ADAMTS18: variants seen among roughly 807,000 people sequenced by gnomAD.
ADAMTS18 encodes the protein ADAM metallopeptidase with thrombospondin type 1 motif 18.
Under a neutral mutation model 165.9 loss-of-function variants are expected in ADAMTS18, and 157 were observed. That is an observed-to-expected ratio of 0.95 (90% CI 0.83 to 1.08). The LOEUF (loss-of-function observed/expected upper bound fraction) is 1.08, where lower values mean the gene tolerates loss of function less well. ADAMTS18 is among the 50% of genes least tolerant of loss of function. The pLI, the probability that ADAMTS18 is intolerant of heterozygous loss-of-function variation, is 0.00. For synonymous variants in ADAMTS18, 782 were observed against 578.2 expected, an observed-to-expected ratio of 1.35 and a Z score of -5.06; for missense variants, 2,040 against 1,534.0, an observed-to-expected ratio of 1.33 and a Z score of -5.51.
intron 2 of ADAMTS18, chr16:77,433,341 C>A (rs564865948): frequency 6.6e-6 from 1 of 152,318 alleles, no homozygotes; most frequent in African/African-American, 2.4e-5. Context: ...TCAAACGGCC[C>A]CAGACACCTG....
chr16:77,419,852 T>C (rs912124351), intron 3 of ADAMTS18, among the ~76,000 whole-genome samples: 1 of 151,446 alleles, frequency 6.6e-6, no homozygotes. Context: ...TAGAAAAAAT[T>C]AGCTGGGTAT....
At chr16:77,326,140 A>C in intron 12 of ADAMTS18, 102 bp from the exon 13 acceptor site, 1 of 1,141,538 alleles carries the variant, frequency 8.8e-7, no homozygotes, top group Admixed American at 1.9e-5. Flanking sequence ...GCACTGCCAC[A>C]GTGTATGCAA....
chr16:77,306,961 A>C (rs1259098371), intron 16 of ADAMTS18, among the ~76,000 whole-genome samples: 2 of 152,188 alleles, frequency 1.3e-5, no homozygotes, highest in African/African-American at 4.8e-5. Flanking sequence ...ATTCTAATTT[A>C]AAATTCTAAA....
Position 77,359,413 on chromosome 16 carries a change from G to T in ADAMTS18, c.1227C>A (p.Pro409=), listed in dbSNP as rs751159225. Residue 409 remains proline, a synonymous_variant, in exon 8 of 23, where the codon CCC becomes CCA. Coordinates refer to ENST00000282849, the MANE Select transcript of ADAMTS18 (RefSeq NM_199355.4). ...NEPCDTLGFA[P]ISGMCSKYRS... is the part of the protein sequence containing the mutation. ...GGTACTTAGAGCACATTCCACTGAT[G>T]GGGGCAAACCCTATTGAAAGAGCAG... 2 of 1,613,548 alleles carry T rather than the reference G, an allele frequency of 1.2e-6. No homozygotes were observed. The highest frequency in any genetic ancestry group is 2.2e-5 in the South Asian group (2 of 90,866).
At chr16:77,430,327 G>A (rs926241823) in intron 3 of ADAMTS18, among the ~76,000 whole-genome samples, 2 of 152,142 alleles carry the variant, frequency 1.3e-5, no homozygotes, top group Admixed American at 1.3e-4. Flanking sequence ...CTAAATTTCA[G>A]GCCATAATAG....
Position 77,291,281 on chromosome 16 carries a change from T to G in ADAMTS18, c.3387A>C (p.Ser1129=). The G allele has an allele frequency of 1.2e-6, 2 of 1,614,090 alleles. No homozygotes were observed. The highest frequency in any genetic ancestry group is 1.7e-6 in the Non-Finnish European group (2 of 1,180,022). Residue 1129 remains serine (S), a synonymous_variant, in exon 21 of 23, where the codon TCA becomes TCC. Transcript: ENST00000282849. ...CTGTACCCACCTGCTGCCACGGCAATGAATACCATCCAGCTACCATGTTGT... is the reference window on the plus strand; with the variant it reads ...CTGTACCCACCTGCTGCCACGGCAAGGAATACCATCCAGCTACCATGTTGT... The part of the protein sequence containing the change: ...PVYNMVAGWY[S]LPWQQCTVTC...
At chr16:77,334,081 C>CAGTGTTATATATTATATATAATATAT (rs1567490845) in intron 12 of ADAMTS18, among the ~76,000 whole-genome samples, 8 of 88,238 alleles carry the variant, frequency 9.1e-5, no homozygotes, top group South Asian at 3.2e-4. Flanking sequence ...ATATAATATA[C>CAGTGTTATATATTATATATAATATAT]AGTGTTATAT....
chr16:77,429,626 T>C (rs2057714914), intron 3 of ADAMTS18, among the ~76,000 whole-genome samples: 1 of 152,194 alleles, frequency 6.6e-6, no homozygotes, highest in African/African-American at 2.4e-5. Context: ...GAAATCTTCA[T>C]ACAGAAAAAT....
intron 16 of ADAMTS18, among the ~76,000 whole-genome samples, chr16:77,314,556 G>A (rs2144624140): frequency 6.7e-6 from 1 of 149,100 alleles, no homozygotes; most frequent in East Asian, 2.0e-4. Flanking sequence ...AGGTTGCAGT[G>A]AGCCAAGATT....
At chr16:77,404,349 A>C (rs1356378968) in intron 3 of ADAMTS18, among the ~76,000 whole-genome samples, 2 of 152,162 alleles carry the variant, frequency 1.3e-5, no homozygotes, top group African/African-American at 4.8e-5. Context: ...GGTCACAAAA[A>C]ATTAGATTTA....
chr16:77,367,347 A>G, intron 4 of ADAMTS18, 94 bp downstream of exon 4: 1 of 1,464,772 alleles, frequency 6.8e-7, no homozygotes, highest in Non-Finnish European at 9.5e-7. Context: ...GGGTAGCCCC[A>G]TTTTGACTTG....
In ADAMTS18 at chr16:77,394,418, G is replaced by A. The variant is rs911128221; in HGVS notation, c.496-26695C>T. Among the ~76,000 whole-genome samples the A allele has an allele frequency of 1.2e-4, 18 of 152,072 alleles. No homozygotes were observed. In the East Asian group the frequency reaches 1.4e-3, roughly 11 times the overall value. On this transcript the variant is annotated intron_variant, in intron 3 of 22. Coordinates refer to ENST00000282849, the MANE Select transcript of ADAMTS18 (RefSeq NM_199355.4). ...AAGACAATAGCTTTATTTGGGGGCC[G>A]GCATGAGGATTAGTTATTTGTCTAG...
rs186854333 is a variant in ADAMTS18 at position 77,323,672 on chromosome 16, A to C, written c.2033-1206T>G. ...TGTAGCACAGAGATTGTCCACATTT[A>C]TGAAAAAGTCTTCCCTTGTTCTTCT... On this transcript the variant is annotated intron_variant, in intron 13 of 22. Coordinates refer to ENST00000282849, the MANE Select transcript of ADAMTS18 (RefSeq NM_199355.4). 4.9e-3 allele frequency among the ~76,000 whole-genome samples: 743 copies of C among 152,150 alleles called. 3 individuals are homozygous for C. The highest frequency in any genetic ancestry group is 8.0e-3 in the Non-Finnish European group (546 of 68,010).
intron 16 of ADAMTS18, among the ~76,000 whole-genome samples, chr16:77,307,742 T>A (rs1333817289): frequency 6.6e-6 from 1 of 152,198 alleles, no homozygotes; most frequent in Non-Finnish European, 1.5e-5. Context: ...GTGTCTTCAC[T>A]CAGTCCATGC....
chr16:77,384,918 T>C (rs1244514825), intron 3 of ADAMTS18, among the ~76,000 whole-genome samples: 2 of 152,054 alleles, frequency 1.3e-5, no homozygotes, highest in East Asian at 3.9e-4. Context: ...AGGTTTTTTT[T>C]TTTTTTTCTG....
intron 11 of ADAMTS18, among the ~76,000 whole-genome samples, chr16:77,337,806 C>A (rs557867963): frequency 1.3e-5 from 2 of 152,090 alleles, no homozygotes; most frequent in African/African-American, 4.8e-5. Context: ...GGAATGTACA[C>A]ACAGACCTGC....
At chr16:77,397,301 G>A (rs1417813445) in intron 3 of ADAMTS18, among the ~76,000 whole-genome samples, 1 of 152,190 alleles carries the variant, frequency 6.6e-6, no homozygotes, top group East Asian at 1.9e-4. Context: ...GAAGGGCAGA[G>A]TCCTCATTTT....
intron 9 of ADAMTS18, among the ~76,000 whole-genome samples, chr16:77,355,202 T>TTGTGTG (rs141620918): frequency 0.1 from 14,712 of 146,604 alleles, 803 homozygotes; most frequent in East Asian, 0.23. Flanking sequence ...AAAGGTAGGA[T>TTGTGTG]TGTGTGTGTG....
chr16:77,284,659 C>A (rs2055213759), intron 22 of ADAMTS18, among the ~76,000 whole-genome samples: 1 of 152,116 alleles, frequency 6.6e-6, no homozygotes, highest in Admixed American at 6.5e-5. Flanking sequence ...AATGTCACAT[C>A]TAATCCAAGA....
Sources: gnomAD v4.1 joint callset for allele counts (sites outside exome capture counted in the v4.1 genomes callset) on GRCh38, gnomAD v4.1.1 for gene constraint, MANE v1.5 for transcripts, NCBI Gene and HGNC (gene_info 2026-07-23, HGNC 2026-07-21) for gene names.